Variants in FTCDNL1 observed in about 807,000 individuals in gnomAD.
FTCDNL1 encodes formiminotransferase cyclodeaminase N-terminal like, also known as formiminotransferase N-terminal subdomain-containing protein.
A neutral mutation model predicts 5.9 loss-of-function variants in FTCDNL1; 11 were observed. That is an observed-to-expected ratio of 1.87 (90% CI 1.18 to 3.10). The LOEUF (loss-of-function observed/expected upper bound fraction) is 3.10, where lower values mean the gene tolerates loss of function less well. FTCDNL1 is among the 30% of genes most tolerant of loss of function. The pLI, the probability that FTCDNL1 is intolerant of heterozygous loss-of-function variation, is 0.00. For missense variants in FTCDNL1, 115 were observed against 65.5 expected, an observed-to-expected ratio of 1.76 and a Z score of -2.61; for synonymous variants, 58 against 24.8, an observed-to-expected ratio of 2.34 and a Z score of -3.99.
At chr2:199,786,093 C>T (rs1050211564) in intron 3 of FTCDNL1, among the ~76,000 whole-genome samples, 3 of 152,120 alleles carry the variant, frequency 2.0e-5, no homozygotes, top group African/African-American at 7.2e-5. Context: ...CTGCTGCTCA[C>T]CTCCTGCTGT....
intron 3 of FTCDNL1, among the ~76,000 whole-genome samples, chr2:199,843,350 TA>T (rs1381786365): frequency 6.6e-6 from 1 of 152,248 alleles, no homozygotes; most frequent in African/African-American, 2.4e-5. Flanking sequence ...TAATTGTCCA[TA>T]ATTGTTTTGA....
intron 3 of FTCDNL1, among the ~76,000 whole-genome samples, chr2:199,774,056 T>C (rs965078622): frequency 6.6e-6 from 1 of 152,244 alleles, no homozygotes; most frequent in African/African-American, 2.4e-5. Flanking sequence ...TGCAATGTTT[T>C]GTAATACATC....
rs1445141411 is a variant in FTCDNL1, at chr2:199,794,662, GAGTC to G, written c.212-33831_212-33828del. 3.9e-5 allele frequency among the ~76,000 whole-genome samples: 6 copies of G among 152,204 alleles called. No individual in the cohort carries two copies. In the East Asian group the frequency reaches 1.2e-3, roughly 29 times the overall value. On this transcript the variant is annotated intron_variant, in intron 3 of 3. Transcript: ENST00000416668. ...GGAGGCTAAGGCAAGTGGATCACTT[GAGTC>G]CAGGAGTTTGAGACCAGCCTGAGCA...
chr2:199,685,874 C>T, the FTCDNL1 span, among the ~76,000 whole-genome samples: 1 of 152,234 alleles, frequency 6.6e-6, no homozygotes, highest in East Asian at 1.9e-4. Flanking sequence ...GAAGAAACCA[C>T]AGACTCCTTT....
rs116240559 is a variant in FTCDNL1, at chr2:199,768,199, C to T, written c.212-7364G>A. Among the ~76,000 whole-genome samples, 605 of 152,224 alleles carry T rather than the reference C, an allele frequency of 4.0e-3. 6 individuals are homozygous for T. Among genetic ancestry groups the T allele is most frequent in the African/African-American group, 0.014 (581 of 41,508 alleles). ...ATTCCAAAATATATTCTGGAAGTTG[C>T]AAATTCTTAACAAAAACCAAAATCA... On this transcript the variant is annotated intron_variant, in intron 3 of 3. Transcript: ENST00000416668.
At chr2:199,777,742 G>T (rs1699165383) in intron 3 of FTCDNL1, among the ~76,000 whole-genome samples, 1 of 152,068 alleles carries the variant, frequency 6.6e-6, no homozygotes, top group Non-Finnish European at 1.5e-5. Flanking sequence ...GAGAGCTTGG[G>T]AAAGAGGCTG....
downstream of FTCDNL1, among the ~76,000 whole-genome samples, chr2:199,760,356 G>C (rs987030499): frequency 6.6e-6 from 1 of 152,194 alleles, no homozygotes; most frequent in South Asian, 2.1e-4. Context: ...TAACTGGAAA[G>C]AGGTTCAGAG....
intron 2 of FTCDNL1, among the ~76,000 whole-genome samples, chr2:199,846,647 G>A (rs1022319118): frequency 6.6e-5 from 10 of 152,236 alleles, no homozygotes; most frequent in South Asian, 6.2e-4. Flanking sequence ...TTTTTGAGAC[G>A]CATGCACCTG....
chr2:199,786,484 T>C (rs1026200959), intron 3 of FTCDNL1, among the ~76,000 whole-genome samples: 4 of 152,122 alleles, frequency 2.6e-5, no homozygotes, highest in Admixed American at 2.0e-4. Flanking sequence ...CTTGATCGAA[T>C]TCCACTCTTC....
intron 3 of FTCDNL1, among the ~76,000 whole-genome samples, chr2:199,843,542 A>G (rs1369492400): frequency 6.6e-6 from 1 of 152,200 alleles, no homozygotes; most frequent in Non-Finnish European, 1.5e-5. Context: ...AAAATGCAGC[A>G]TAAGTAGTGA....
chr2:199,665,148 G>A, the FTCDNL1 span, among the ~76,000 whole-genome samples: 2 of 152,102 alleles, frequency 1.3e-5, no homozygotes, highest in East Asian at 1.9e-4. Context: ...ATCATTTTGG[G>A]ATACACAGAA....
chr2:199,731,982 C>T, the FTCDNL1 span, among the ~76,000 whole-genome samples: 2 of 151,934 alleles, frequency 1.3e-5, no homozygotes, highest in African/African-American at 4.8e-5. Flanking sequence ...AGAGAAGAAA[C>T]AATTTTTGTT....
chr2:199,760,296 G>GA (rs1374729193), downstream of FTCDNL1, among the ~76,000 whole-genome samples: 2 of 151,300 alleles, frequency 1.3e-5, no homozygotes, highest in African/African-American at 4.8e-5. Context: ...TCCCATAACA[G>GA]AGAGAAAGTT....
At chr2:199,693,010 G>A in the FTCDNL1 span, among the ~76,000 whole-genome samples, 1 of 152,208 alleles carries the variant, frequency 6.6e-6, no homozygotes, top group East Asian at 1.9e-4. Context: ...TTTGTATTAG[G>A]GTCTGAACCA....
At chr2:199,663,850 G>A in the FTCDNL1 span, among the ~76,000 whole-genome samples, 8 of 151,980 alleles carry the variant, frequency 5.3e-5, no homozygotes, top group African/African-American at 7.3e-5. Context: ...CTTCAAAGAC[G>A]AGATCTCCTT....
chr2:199,827,241 G>A (rs1383932284), intron 3 of FTCDNL1, among the ~76,000 whole-genome samples: 1 of 152,198 alleles, frequency 6.6e-6, no homozygotes, highest in South Asian at 2.1e-4. Context: ...ACACCATAAG[G>A]AAGCAAACAG....
chr2:199,669,435 C>A, the FTCDNL1 span, among the ~76,000 whole-genome samples: 1 of 152,174 alleles, frequency 6.6e-6, no homozygotes, highest in Non-Finnish European at 1.5e-5. Context: ...GACCCTCCCG[C>A]CTCTCCTCAT....
At chr2:199,693,916 T>A in the FTCDNL1 span, among the ~76,000 whole-genome samples, 1 of 152,160 alleles carries the variant, frequency 6.6e-6, no homozygotes, top group Admixed American at 6.5e-5. Flanking sequence ...GGGATTGGAA[T>A]ATGGGTTTAG....
the FTCDNL1 span, among the ~76,000 whole-genome samples, chr2:199,673,646 A>G: frequency 6.6e-6 from 1 of 152,322 alleles, no homozygotes; most frequent in Admixed American, 6.5e-5. Flanking sequence ...ATTCCATGTG[A>G]CAACTGCAAA....
Sources: gnomAD v4.1 joint callset for allele counts (sites outside exome capture counted in the v4.1 genomes callset) on GRCh38, gnomAD v4.1.1 for gene constraint, MANE v1.5 for transcripts, NCBI Gene and HGNC (gene_info 2026-07-23, HGNC 2026-07-21) for gene names.